PNO1: variants seen among roughly 807,000 people sequenced by gnomAD.
The protein encoded by PNO1 is RNA-binding protein PNO1.
In PNO1, 16 loss-of-function variants were observed where a neutral mutation model predicts 28.4. The ratio of observed to expected loss-of-function variants is 0.56; its 90% confidence interval spans 0.38 to 0.85. PNO1 has a LOEUF of 0.85. Ranked by LOEUF, PNO1 falls within the 40% of genes least tolerant of loss-of-function variation. The pLI is 0.00. For missense variants in PNO1, 304 were observed against 312.2 expected (o/e 0.97, Z 0.20); for synonymous variants, 115 against 110.8 (o/e 1.04, Z -0.24).
At chr2:68,173,543 G>T in intron 6 of PNO1, 126 bp downstream of exon 6, 2 of 527,516 alleles carry the variant, frequency 3.8e-6, no homozygotes, top group Non-Finnish European at 6.9e-6. Flanking sequence ...ACCCTTGGGA[G>T]TTGGCAAAGG....
At chr2:68,171,258 G>A (rs1315603398) in intron 5 of PNO1, among the ~76,000 whole-genome samples, 2 of 152,072 alleles carry the variant, frequency 1.3e-5, no homozygotes, top group African/African-American at 2.4e-5. Context: ...TGATGTATTC[G>A]AATGCATCTA....
Position 68,173,520 on chromosome 2 carries a change from A to C in PNO1, c.691+103A>C. ...AAAGCAATTTAGGGTAATATTAAAG[A>C]TCGCAAGTAGAAACCCTTGGGAGTT... On this transcript the variant is annotated intron_variant, in intron 6 of 6. Coordinates refer to ENST00000263657, the MANE Select transcript of PNO1 (RefSeq NM_020143.4). The C allele has an allele frequency of 5.7e-6, 4 of 698,166 alleles. No homozygotes were observed. In the East Asian group the frequency reaches 1.1e-4, roughly 20 times the overall value. 43.2% of individuals were successfully genotyped at this position (698,166 alleles called of 1,614,324 possible). A position where few individuals can be genotyped will look rare whatever the true frequency, so the allele number is the denominator to read the frequency against.
intron 5 of PNO1, among the ~76,000 whole-genome samples, chr2:68,170,721 C>T (rs1377098065): frequency 8.5e-6 from 1 of 117,714 alleles, no homozygotes; most frequent in Non-Finnish European, 1.6e-5. Context: ...GCACTCCAGC[C>T]TGGGGGACAG....
In PNO1 at chr2:68,176,069, A is replaced by C. The variant is rs1353161465; in HGVS notation, c.*1267A>C. The C allele has an allele frequency of 1.3e-5, 2 of 152,222 alleles. No individual in the cohort carries two copies. Among genetic ancestry groups the C allele is most frequent in the African/African-American group, 2.4e-5 (1 of 41,460 alleles). 9.4% of individuals were successfully genotyped at this position (152,222 alleles called of 1,614,324 possible). A position where few individuals can be genotyped will look rare whatever the true frequency, so the allele number is the denominator to read the frequency against. ...GAAAAATAATAGTAAGAACCATCAT[A>C]AGTCTGTTTCTTCTAGTAAAGGTGA... On this transcript the variant is annotated 3_prime_UTR_variant, in exon 7 of 7. Coordinates refer to ENST00000263657, the MANE Select transcript of PNO1 (RefSeq NM_020143.4).
chr2:68,162,752 A>G, intron 5 of PNO1, 89 bp downstream of exon 5: 1 of 836,924 alleles, frequency 1.2e-6, no homozygotes, highest in Non-Finnish European at 2.1e-6. Context: ...TTTTATGCAT[A>G]ATGTTGCTGC....
At chr2:68,158,303 T>C in intron 1 of PNO1, 77 bp from the exon 2 acceptor site, 2 of 1,453,570 alleles carry the variant, frequency 1.4e-6, no homozygotes, top group Non-Finnish European at 1.9e-6. Context: ...AGGAGGCCCT[T>C]TGTGGATCAG....
chr2:68,157,948 T>G lies in PNO1; in HGVS notation c.14T>G (p.Met5Arg). 1 of 1,613,936 alleles carries G rather than the reference T, an allele frequency of 6.2e-7. No homozygotes were observed. The highest frequency in any genetic ancestry group is 2.2e-5 in the East Asian group (1 of 44,880). Residue 5 changes from methionine (M) to arginine (R), a missense_variant, in exon 1 of 7, where the codon ATG becomes AGG. By Grantham distance (91) the Met-to-Arg change is moderately conservative. Transcript: ENST00000263657. MESE[M>R]ETQSARAEEG... The stretch of plus-strand genomic sequence containing the variant: ...AGATTTCCGGGGATGGAATCCGAAA[T>G]GGAAACGCAGAGCGCCAGGGCAGAG...
At chr2:68,173,213 C>A in intron 5 of PNO1, 134 bp from the exon 6 acceptor site, 1 of 549,320 alleles carries the variant, frequency 1.8e-6, no homozygotes, top group Non-Finnish European at 3.3e-6. Flanking sequence ...GATGGCGTCT[C>A]ATTATGCTGT....
At position 68,174,751 on chromosome 2, in the gene PNO1, GGTT is replaced by G. The variant is rs1674228109; in HGVS notation, c.709_711del (p.Val237del). 6.2e-7 allele frequency: 1 copy of G among 1,608,278 alleles called. No individual in the cohort carries two copies. The highest frequency in any genetic ancestry group is 8.5e-7 in the Non-Finnish European group (1 of 1,175,524). On this transcript the variant is annotated inframe_deletion, in exon 7 of 7. Transcript: ENST00000263657. ...CCTTTGCAGGAAATCCTCCTTCCAAGGTTTATGGCAATATTCGAGCTGTGGCTA... is the reference window on the plus strand; with the variant it reads ...CCTTTGCAGGAAATCCTCCTTCCAAGTATGGCAATATTCGAGCTGTGGCTA...
chr2:68,159,451 A>G (rs1484097185), intron 2 of PNO1, among the ~76,000 whole-genome samples: 1 of 151,764 alleles, frequency 6.6e-6, no homozygotes, highest in African/African-American at 2.4e-5. Flanking sequence ...TCAGGTGATC[A>G]CATCTCGGCC....
chr2:68,165,877 C>T (rs1673985949), intron 5 of PNO1, among the ~76,000 whole-genome samples: 1 of 151,900 alleles, frequency 6.6e-6, no homozygotes, highest in South Asian at 2.1e-4. Context: ...TTTAAGTATC[C>T]CGTTCAATGA....
intron 6 of PNO1, 23 bp from the exon 7 acceptor site, chr2:68,174,712 A>G: frequency 1.3e-6 from 2 of 1,554,306 alleles, no homozygotes; most frequent in Non-Finnish European, 1.8e-6. Context: ...ATTTGTGTAT[A>G]TACTTTTTTT....
At chr2:68,165,581 C>T (rs1673974277) in intron 5 of PNO1, among the ~76,000 whole-genome samples, 1 of 139,768 alleles carries the variant, frequency 7.2e-6, no homozygotes, top group South Asian at 2.3e-4. Flanking sequence ...GGGCATGGTG[C>T]CTCACACCTG....
In PNO1 at chr2:68,157,965, AG is replaced by A; in HGVS notation, c.34del (p.Ala12GlnfsTer58). 6.2e-7 allele frequency: 1 copy of A among 1,613,952 alleles called. No individual in the cohort carries two copies. The highest frequency in any genetic ancestry group is 8.5e-7 in the Non-Finnish European group (1 of 1,179,982). ...ATCCGAAATGGAAACGCAGAGCGCC[AG>A]GGCAGAGGAGGGCTTTACCCAGGTC... is the stretch of plus-strand genomic sequence containing the variant. MESEMETQSA[R>X]AEEGFTQVTR... On this transcript the variant is annotated frameshift_variant, in exon 1 of 7. Transcript: ENST00000263657. LOFTEE classifies it high-confidence loss of function.
rs1347701286 is a variant in PNO1 at position 68,173,205 on chromosome 2, T to C, written c.621-142T>C. Reference sequence around the variant, plus strand: ...TAACTGTTGAATTTTTTTGTAGAGATGGCGTCTCATTATGCTGTCCAGGCT... The same window carrying C: ...TAACTGTTGAATTTTTTTGTAGAGACGGCGTCTCATTATGCTGTCCAGGCT... On this transcript the variant is annotated intron_variant, in intron 5 of 6. Coordinates refer to ENST00000263657, the MANE Select transcript of PNO1 (RefSeq NM_020143.4). 3 of 562,612 alleles carry C rather than the reference T, an allele frequency of 5.3e-6. No individual in the cohort carries two copies. The African/African-American group carries it at 5.8e-5, about 11-fold the overall frequency. The allele number at this position is 562,612 out of a possible 1,614,324, so 34.9% of individuals were successfully genotyped here.
chr2:68,167,675 C>A (rs970645582), intron 5 of PNO1, among the ~76,000 whole-genome samples: 2 of 152,158 alleles, frequency 1.3e-5, no homozygotes, highest in African/African-American at 4.8e-5. Flanking sequence ...AAAACCTGTT[C>A]AGGCAGATAT....
intron 3 of PNO1, 118 bp downstream of exon 3, chr2:68,161,884 C>G (rs1244659693): frequency 2.9e-6 from 2 of 691,076 alleles, no homozygotes; most frequent in Non-Finnish European, 5.0e-6. Context: ...CCTGTAATCT[C>G]AGCACTCTGG....
At chr2:68,162,922 A>G (rs1673874930) in intron 5 of PNO1, among the ~76,000 whole-genome samples, 1 of 152,238 alleles carries the variant, frequency 6.6e-6, no homozygotes, top group African/African-American at 2.4e-5. Flanking sequence ...AGTTGGGCAA[A>G]GTCATCCGAC....
intron 2 of PNO1, 103 bp downstream of exon 2, chr2:68,158,632 G>T: frequency 9.6e-7 from 1 of 1,046,040 alleles, no homozygotes; most frequent in Admixed American, 2.8e-5. Context: ...CTGTTGTATG[G>T]TTTTTGTCCA....
Sources: allele counts gnomAD v4.1 joint callset (sites outside exome capture counted in the v4.1 genomes callset), GRCh38; gene constraint gnomAD v4.1.1; transcripts MANE v1.5; gene names NCBI Gene and HGNC (gene_info 2026-07-23, HGNC 2026-07-21).